Variants in MYO5C observed in about 807,000 individuals in gnomAD.
The protein encoded by MYO5C is unconventional myosin-Vc.
In MYO5C, 194 loss-of-function variants were observed where a neutral mutation model predicts 235.7. The observed-to-expected ratio is 0.82, with a 90% confidence interval of 0.73 to 0.93. The LOEUF (loss-of-function observed/expected upper bound fraction) is 0.93, where lower values mean the gene tolerates loss of function less well. Among genes scored for constraint, MYO5C ranks in the 40% least tolerant of loss-of-function variants. MYO5C has a pLI of 0.00. For missense variants in MYO5C, 2,038 were observed against 2,127.2 expected, an observed-to-expected ratio of 0.96 and a Z score of 0.82; for synonymous variants, 707 against 754.8, an observed-to-expected ratio of 0.94 and a Z score of 1.04.
intron 13 of MYO5C, among the ~76,000 whole-genome samples, chr15:52,250,721 C>G (rs2141333366): frequency 6.6e-6 from 1 of 152,304 alleles, no homozygotes; most frequent in African/African-American, 2.4e-5. Context: ...AGCCCTGGCA[C>G]TGGGCTAGGC....
Position 52,271,808 on chromosome 15 carries a change from G to T in MYO5C, c.787C>A (p.Leu263Ile). 1 of 1,585,314 alleles carries T rather than the reference G, an allele frequency of 6.3e-7. No homozygotes were observed. Among genetic ancestry groups the T allele is most frequent in the Non-Finnish European group, 8.6e-7 (1 of 1,159,310 alleles). The stretch of plus-strand genomic sequence containing the variant: ...TCCGACTGCTGTGCAGATGCACAAA[G>T]CTGATAGAAAATGTGGTAATTTCGT... Reference protein sequence around the residue: ...NERNYHIFYQLCASAQQSEFK... With the variant: ...NERNYHIFYQICASAQQSEFK... The change falls in exon 7 of 41, where the codon CTT (leucine) becomes ATT (isoleucine). Residue 263 changes from leucine (L) to isoleucine (I), a missense_variant. Coordinates refer to ENST00000261839, the MANE Select transcript of MYO5C (RefSeq NM_018728.4).
At chr15:52,224,828 A>G (rs1319020276) in intron 28 of MYO5C, 73 bp downstream of exon 28, 1 of 1,257,644 alleles carries the variant, frequency 8.0e-7, no homozygotes, top group Non-Finnish European at 1.1e-6. Context: ...TATGTAAGGT[A>G]AACTTTGGAC....
chr15:52,214,556 T>C (rs1210656982), intron 33 of MYO5C, 47 bp downstream of exon 33: 1 of 1,326,052 alleles, frequency 7.5e-7, no homozygotes, highest in Non-Finnish European at 1.1e-6. Flanking sequence ...CTTGAGCGCA[T>C]GTTAGCCTTA....
chr15:52,295,787 C>G lies in MYO5C; in HGVS notation c.-151G>C, dbSNP rs530342941. 8.1e-6 allele frequency: 4 copies of G among 492,048 alleles called. No individual in the cohort carries two copies. The highest frequency in any genetic ancestry group is 3.6e-5 in the East Asian group (1 of 27,952). 30.5% of individuals were successfully genotyped at this position (492,048 alleles called of 1,614,324 possible). A position where few individuals can be genotyped will look rare whatever the true frequency, so the allele number is the denominator to read the frequency against. On this transcript the variant is annotated 5_prime_UTR_variant, in exon 1 of 41. Coordinates refer to ENST00000261839, the MANE Select transcript of MYO5C (RefSeq NM_018728.4). ...AAGTTTTCCAACGGCCTCCTGTTCC[C>G]GTTCCCGAGTTGGCGGCGAGGGGAG...
Position 52,224,938 on chromosome 15 carries a change from G to A in MYO5C, c.3409C>T (p.Leu1137Phe). ...TTTAGTCCTTCATAAGCAAACCAAA[G>A]TTCTCCATCCTCATTTAAATGTTCC... ...DLEHLNEDGELWFAYEGLKKA... is the reference protein window; with the variant it reads ...DLEHLNEDGEFWFAYEGLKKA... Residue 1137 changes from leucine (L) to phenylalanine (F), a missense_variant, in exon 28 of 41, where the codon CTT (leucine) becomes TTT (phenylalanine). Transcript: ENST00000261839. 1 of 1,613,930 alleles carries A rather than the reference G, an allele frequency of 6.2e-7. No homozygotes were observed. The highest frequency in any genetic ancestry group is 8.5e-7 in the Non-Finnish European group (1 of 1,179,950).
chr15:52,206,899 G>A (rs1372013864), intron 36 of MYO5C, among the ~76,000 whole-genome samples: 2 of 152,214 alleles, frequency 1.3e-5, no homozygotes, highest in Non-Finnish European at 2.9e-5. Flanking sequence ...TTGCGAGGCC[G>A]AGGCAGGCGG....
chr15:52,212,940 A>G (rs1164664783), intron 34 of MYO5C, among the ~76,000 whole-genome samples: 1 of 152,176 alleles, frequency 6.6e-6, no homozygotes, highest in Non-Finnish European at 1.5e-5. Flanking sequence ...GATATCTTTT[A>G]TTGTCATCAC....
At chr15:52,290,514 T>C (rs922841823) in intron 1 of MYO5C, among the ~76,000 whole-genome samples, 3 of 152,050 alleles carry the variant, frequency 2.0e-5, no homozygotes, top group African/African-American at 7.2e-5. Flanking sequence ...TGAAGATATT[T>C]GTGAGTTCCT....
chr15:52,206,218 T>G (rs946209614), intron 36 of MYO5C, among the ~76,000 whole-genome samples: 1 of 152,022 alleles, frequency 6.6e-6, no homozygotes, highest in African/African-American at 2.4e-5. Flanking sequence ...ATAGACTAAA[T>G]GGAAAAGCTC....
intron 25 of MYO5C, among the ~76,000 whole-genome samples, chr15:52,226,732 C>A (rs1227885793): frequency 6.6e-6 from 1 of 152,234 alleles, no homozygotes; most frequent in Non-Finnish European, 1.5e-5. Flanking sequence ...TATCCAAATC[C>A]TGAAGGCCAT....
chr15:52,206,024 A>C, intron 36 of MYO5C, 58 bp from the exon 37 acceptor site: 1 of 1,067,558 alleles, frequency 9.4e-7, no homozygotes, highest in Non-Finnish European at 1.3e-6. Context: ...GGAAATTAAT[A>C]ATCAGCTACT....
intron 38 of MYO5C, 96 bp downstream of exon 38, chr15:52,204,769 C>A: frequency 7.0e-7 from 1 of 1,419,430 alleles, no homozygotes; most frequent in Non-Finnish European, 9.4e-7. Flanking sequence ...AGGGGTTTGA[C>A]GCCACAGCAG....
In MYO5C at chr15:52,202,432, T is replaced by C. The variant is rs112871058; in HGVS notation, c.4820+2433A>G. ...CCACCTGGTGGAAGGGAAAAAGTAC[T>C]GGGTACCTGGGGGGCAGGTGTTCGC... On this transcript the variant is annotated intron_variant, in intron 38 of 40. Transcript: ENST00000261839. Among the ~76,000 whole-genome samples the C allele has an allele frequency of 2.4e-4, 36 of 152,242 alleles. 2 individuals carry two copies. Among genetic ancestry groups the C allele is most frequent in the African/African-American group, 7.9e-4 (33 of 41,552 alleles).
intron 4 of MYO5C, chr15:52,277,827 A>G (rs1157183094): frequency 2.2e-6 from 1 of 454,764 alleles, no homozygotes; most frequent in Non-Finnish European, 4.4e-6. Context: ...TGTGCAGGAA[A>G]GCAGCACGTG....
Position 52,194,023 on chromosome 15 carries a change from T to A in MYO5C, c.5108A>T (p.Gln1703Leu). Residue 1703 changes from glutamine (Q) to leucine (L), a missense_variant, in exon 41 of 41, where the codon CAG (glutamine) becomes CTG (leucine). Coordinates refer to ENST00000261839, the MANE Select transcript of MYO5C (RefSeq NM_018728.4). ...ALLNSREDSS[Q>L]LMLDTKYLFQ... ...GAGATATTTGGTATCCAACATCAGCTGTGATGAATCCTCCCGGCTATTTAG... is the reference window on the plus strand; with the variant it reads ...GAGATATTTGGTATCCAACATCAGCAGTGATGAATCCTCCCGGCTATTTAG... 1.2e-6 allele frequency: 2 copies of A among 1,613,670 alleles called. No homozygotes were observed. The highest frequency in any genetic ancestry group is 1.7e-6 in the Non-Finnish European group (2 of 1,179,900).
At chr15:52,276,347 G>T (rs2037050470) in intron 4 of MYO5C, among the ~76,000 whole-genome samples, 2 of 152,076 alleles carry the variant, frequency 1.3e-5, no homozygotes, top group African/African-American at 2.4e-5. Flanking sequence ...AACTTCCAGG[G>T]GTCCTCTCCC....
chr15:52,235,309 G>A (rs2036054442), intron 23 of MYO5C, among the ~76,000 whole-genome samples: 1 of 152,114 alleles, frequency 6.6e-6, no homozygotes, highest in Non-Finnish European at 1.5e-5. Flanking sequence ...AATTACGGAT[G>A]TCTGAACCAC....
chr15:52,205,168 T>C, intron 37 of MYO5C, 21 bp from the exon 38 acceptor site: 1 of 1,608,870 alleles, frequency 6.2e-7, no homozygotes, highest in South Asian at 1.1e-5. Flanking sequence ...ACAGGGAGGC[T>C]GTGCTGACAC....
intron 5 of MYO5C, among the ~76,000 whole-genome samples, chr15:52,274,907 A>T (rs967749989): frequency 6.6e-6 from 1 of 152,210 alleles, no homozygotes; most frequent in Non-Finnish European, 1.5e-5. Flanking sequence ...CTTCCAAATA[A>T]ATTCAAATCA....
Sources: gnomAD v4.1 joint callset for allele counts (sites outside exome capture counted in the v4.1 genomes callset) on GRCh38, gnomAD v4.1.1 for gene constraint, MANE v1.5 for transcripts, NCBI Gene and HGNC (gene_info 2026-07-23, HGNC 2026-07-21) for gene names.